The following AOPEP variants were observed in gnomAD, a reference collection of about 807,000 sequenced individuals.
AOPEP encodes the protein aminopeptidase O.
Under a neutral mutation model 98.1 loss-of-function variants are expected in AOPEP, and 77 were observed. That is an observed-to-expected ratio of 0.78 (90% CI 0.65 to 0.95). The LOEUF (loss-of-function observed/expected upper bound fraction) is 0.95. Ranked by LOEUF, AOPEP falls within the 40% of genes least tolerant of loss-of-function variation. AOPEP has a pLI of 0.00. For synonymous variants in AOPEP, 346 were observed against 365.3 expected (o/e 0.95, Z 0.60); for missense variants, 1,024 against 1,024.7 (o/e 1.00, Z 0.01).
intron 7 of AOPEP, among the ~76,000 whole-genome samples, chr9:94,944,596 A>G (rs2057410182): frequency 6.6e-6 from 1 of 152,130 alleles, no homozygotes; most frequent in Admixed American, 6.5e-5. Flanking sequence ...ACAGGGTCTT[A>G]CTCTGTCCCC....
downstream of AOPEP, among the ~76,000 whole-genome samples, chr9:95,090,782 A>T (rs117170968): frequency 6.6e-3 from 998 of 152,342 alleles, 17 homozygotes; most frequent in East Asian, 0.052. Flanking sequence ...AAGAAACACC[A>T]GGGAAGACGG....
rs143281361 is a variant in AOPEP, at chr9:94,992,656, C to T, written c.1978-12502C>T. Reference sequence around the variant, plus strand: ...GGAGTCAGCTCTACCACCTCGAAGCCGTGTAGCAGTGGGCGAGCCACTTGC... The same window carrying T: ...GGAGTCAGCTCTACCACCTCGAAGCTGTGTAGCAGTGGGCGAGCCACTTGC... On this transcript the variant is annotated intron_variant, in intron 11 of 16. Coordinates refer to ENST00000375315, the MANE Select transcript of AOPEP (RefSeq NM_001193329.3). Among the ~76,000 whole-genome samples the T allele has an allele frequency of 7.9e-4, 120 of 152,320 alleles. No homozygotes were observed. In the East Asian group the frequency reaches 0.02, roughly 26 times the overall value.
the AOPEP span, among the ~76,000 whole-genome samples, chr9:95,102,467 G>A: frequency 6.6e-6 from 1 of 152,206 alleles, no homozygotes; most frequent in Non-Finnish European, 1.5e-5. Context: ...GGAAGGGTGA[G>A]AATCTTACAA....
intron 4 of AOPEP, 36 bp downstream of exon 4, chr9:94,792,954 A>G: frequency 6.4e-7 from 1 of 1,573,936 alleles, no homozygotes; most frequent in Non-Finnish European, 8.6e-7. Context: ...AGGAAAAAAA[A>G]AAAAACACTT....
chr9:95,108,495 G>GTCTA, the AOPEP span, among the ~76,000 whole-genome samples: 5 of 152,232 alleles, frequency 3.3e-5, no homozygotes, highest in African/African-American at 1.2e-4. Flanking sequence ...CTAAGATGGG[G>GTCTA]TCTATCTTCC....
intron 15 of AOPEP, among the ~76,000 whole-genome samples, chr9:95,081,819 C>G (rs941247807): frequency 3.9e-5 from 6 of 152,118 alleles, no homozygotes; most frequent in Non-Finnish European, 8.8e-5. Flanking sequence ...CGAAGTTTTG[C>G]TCTTGCGATG....
chr9:94,765,478 T>TAATAATAATAATAAG (rs1211958270), intron 2 of AOPEP, among the ~76,000 whole-genome samples: 4 of 147,380 alleles, frequency 2.7e-5, no homozygotes, highest in Admixed American at 1.4e-4. Context: ...ATAATAATAA[T>TAATAATAATAATAAG]AAGTCACAGC....
chr9:94,874,689 A>G (rs1447328956), intron 5 of AOPEP, among the ~76,000 whole-genome samples: 1 of 152,132 alleles, frequency 6.6e-6, no homozygotes, highest in Non-Finnish European at 1.5e-5. Context: ...CCCACTAGGA[A>G]CTCAGTGTGA....
intron 2 of AOPEP, among the ~76,000 whole-genome samples, chr9:94,771,460 G>A (rs1226522368): frequency 6.6e-6 from 1 of 152,082 alleles, no homozygotes; most frequent in African/African-American, 2.4e-5. Flanking sequence ...CATTATCATG[G>A]CATGTATACT....
intron 14 of AOPEP, among the ~76,000 whole-genome samples, chr9:95,062,919 A>G (rs1434392767): frequency 1.3e-5 from 2 of 152,260 alleles, no homozygotes; most frequent in African/African-American, 2.4e-5. Flanking sequence ...GCTCAAGGAC[A>G]GACAGAGTTG....
intron 7 of AOPEP, among the ~76,000 whole-genome samples, chr9:94,940,698 T>C (rs2056914075): frequency 6.6e-6 from 1 of 152,226 alleles, no homozygotes; most frequent in African/African-American, 2.4e-5. Context: ...ATCATCTATG[T>C]CCTCTGGCAC....
At chr9:95,097,467 T>C in the AOPEP span, among the ~76,000 whole-genome samples, 1 of 151,680 alleles carries the variant, frequency 6.6e-6, no homozygotes, top group Admixed American at 6.6e-5. Context: ...TGGAAAGGAG[T>C]GGGCACAAGG....
At chr9:94,775,910 C>T (rs892775093) in intron 3 of AOPEP, among the ~76,000 whole-genome samples, 4 of 151,918 alleles carry the variant, frequency 2.6e-5, no homozygotes, top group Admixed American at 1.3e-4. Flanking sequence ...GGTGTGAATC[C>T]GGGGCTTGCA....
intron 6 of AOPEP, 137 bp downstream of exon 6, chr9:94,924,312 T>C (rs1233529579): frequency 1.8e-6 from 1 of 558,656 alleles, no homozygotes; most frequent in African/African-American, 2.0e-5. Flanking sequence ...GCTGCATAAA[T>C]AAGAGAGGGA....
chr9:94,852,814 T>A (rs928125999), intron 5 of AOPEP, among the ~76,000 whole-genome samples: 1 of 152,176 alleles, frequency 6.6e-6, no homozygotes, highest in Non-Finnish European at 1.5e-5. Flanking sequence ...CCAAAAAGAG[T>A]GTTAATCACT....
chr9:95,021,181 C>T (rs985238122), intron 13 of AOPEP, among the ~76,000 whole-genome samples: 1 of 152,250 alleles, frequency 6.6e-6, no homozygotes, highest in Non-Finnish European at 1.5e-5. Context: ...TACCCTCATT[C>T]CCCAAAACTT....
chr9:95,104,436 A>G, the AOPEP span, among the ~76,000 whole-genome samples: 107 of 152,222 alleles, frequency 7.0e-4, no homozygotes, highest in Non-Finnish European at 1.4e-3. Context: ...GTGATGACAA[A>G]GCACTGGGGC....
At chr9:94,858,372 C>T (rs1006010941) in intron 5 of AOPEP, among the ~76,000 whole-genome samples, 3 of 44,852 alleles carry the variant, frequency 6.7e-5, no homozygotes, top group Non-Finnish European at 3.0e-4. Flanking sequence ...TTAACACGAA[C>T]TTGGTGACTT....
Position 94,929,858 on chromosome 9 carries a change from C to T in AOPEP, c.1661+1327C>T, listed in dbSNP as rs1482730324. On this transcript the variant is annotated intron_variant, in intron 7 of 16. Transcript: ENST00000375315. ...GCGCATAAGGAGGTGGGGAATTTCT[C>T]TCTGAAAATGAGCTGCCTTGTGCAT... is the stretch of plus-strand genomic sequence containing the variant. Among the ~76,000 whole-genome samples, 5 of 152,352 alleles carry T rather than the reference C, an allele frequency of 3.3e-5. No homozygotes were observed. In the East Asian group the frequency reaches 9.6e-4, roughly 29 times the overall value.
Sources: gnomAD v4.1 joint callset for allele counts (sites outside exome capture counted in the v4.1 genomes callset) on GRCh38, gnomAD v4.1.1 for gene constraint, MANE v1.5 for transcripts, NCBI Gene and HGNC (gene_info 2026-07-23, HGNC 2026-07-21) for gene names.